The following UBE3A variants were observed in gnomAD, a reference collection of about 807,000 sequenced individuals.
UBE3A encodes ubiquitin protein ligase E3A, also known as ubiquitin-protein ligase E3A.
In UBE3A, 6 loss-of-function variants were observed where a neutral mutation model predicts 83.4. The observed-to-expected ratio is 0.07, with a 90% CI of 0.04 to 0.14. The LOEUF (loss-of-function observed/expected upper bound fraction) is 0.14. Ranked by LOEUF, UBE3A falls within the 10% of genes least tolerant of loss-of-function variation. UBE3A has a pLI of 1.00. For synonymous variants in UBE3A, 337 were observed against 355.4 expected (o/e 0.95, Z 0.58); for missense variants, 456 against 1,036.1 (o/e 0.44, Z 7.69).
chr15:25,408,431 G>A (rs749734142), intron 3 of UBE3A: 81 of 760,372 alleles, frequency 1.1e-4, no homozygotes, highest in Non-Finnish European at 1.7e-4. Flanking sequence ...TTATCCTAAA[G>A]TGTGTCAGAA....
intron 11 of UBE3A, among the ~76,000 whole-genome samples, chr15:25,347,929 C>G (rs2075952923): frequency 6.6e-6 from 1 of 151,998 alleles, no homozygotes; most frequent in African/African-American, 2.4e-5. Context: ...CAGAGACTAA[C>G]AGTTTTTATT....
chr15:25,410,665 T>C (rs921643491), intron 2 of UBE3A, among the ~76,000 whole-genome samples: 1 of 152,226 alleles, frequency 6.6e-6, no homozygotes, highest in Non-Finnish European at 1.5e-5. Context: ...TATGCAGCTA[T>C]GAACGCAGGG....
rs751134662 is a variant in UBE3A, at chr15:25,370,534, T to G, written c.1608+32A>C. Reference sequence around the variant, plus strand: ...CTGAACTGTATCATGATATCCCCATTATTAGGTTTTTAATCTAGCAGCCCA... The same window carrying G: ...CTGAACTGTATCATGATATCCCCATGATTAGGTTTTTAATCTAGCAGCCCA... On this transcript the variant is annotated intron_variant, in intron 6 of 12. Coordinates refer to ENST00000648336, the MANE Select transcript of UBE3A (RefSeq NM_130839.5). The surrounding 1 kb of genome is among the most constrained non-coding windows in gnomAD (Gnocchi z 4.2). 1 of 1,613,084 alleles carries G rather than the reference T, an allele frequency of 6.2e-7. No homozygotes were observed. Among genetic ancestry groups the G allele is most frequent in the South Asian group, 1.1e-5 (1 of 91,036 alleles).
chr15:25,357,007 T>C lies in UBE3A; in HGVS notation c.1754-111A>G, dbSNP rs1000589796. On this transcript the variant is annotated intron_variant, in intron 7 of 12. Transcript: ENST00000648336. ...ATGCATATAAAACATTTAAAATATA[T>C]GTAATTAGGCATGCAACATTGATTT... The C allele has an allele frequency of 4.5e-6, 4 of 894,790 alleles. No individual in the cohort carries two copies. In the African/African-American group the frequency reaches 5.1e-5, roughly 11 times the overall value. The allele number at this position is 894,790 out of a possible 1,614,324, so 55.4% of individuals were successfully genotyped here.
Position 25,338,564 on chromosome 15 carries a change from G to A in UBE3A, c.*573C>T, listed in dbSNP as rs2074198700. On this transcript the variant is annotated 3_prime_UTR_variant, in exon 13 of 13. Coordinates refer to ENST00000648336, the MANE Select transcript of UBE3A (RefSeq NM_130839.5). ...AGATTTTGCACAGAAAACTCTTTGG[G>A]GGCTAGAACAGCAGTAATTGCATCA... The A allele has an allele frequency of 6.6e-6, 1 of 151,784 alleles. No homozygotes were observed. The highest frequency in any genetic ancestry group is 2.1e-4 in the South Asian group (1 of 4,814). 9.4% of individuals were successfully genotyped at this position (151,784 alleles called of 1,614,324 possible). A position where few individuals can be genotyped will look rare whatever the true frequency, so the allele number is the denominator to read the frequency against.
At chr15:25,398,816 A>ATATATAAAT (rs1567069211) in intron 4 of UBE3A, among the ~76,000 whole-genome samples, 1 of 40,826 alleles carries the variant, frequency 2.4e-5, no homozygotes, top group Non-Finnish European at 5.3e-5. Flanking sequence ...TATATATATA[A>ATATATAAAT]AAATACATAT....
intron 1 of UBE3A, chr15:25,413,092 A>C (rs2090286317): frequency 9.6e-6 from 4 of 418,324 alleles, no homozygotes. Context: ...AAATATACCA[A>C]ATCTATAAAA....
At chr15:25,353,391 G>A (rs901191039) in intron 11 of UBE3A, among the ~76,000 whole-genome samples, 3 of 152,194 alleles carry the variant, frequency 2.0e-5, no homozygotes, top group African/African-American at 2.4e-5. Context: ...GACCACGTGT[G>A]TATACCAAAA....
intron 4 of UBE3A, among the ~76,000 whole-genome samples, chr15:25,380,875 A>G (rs2082061988): frequency 6.6e-6 from 1 of 152,254 alleles, no homozygotes; most frequent in African/African-American, 2.4e-5. Flanking sequence ...AGTCAGACAC[A>G]TGAAAATACT....
chr15:25,408,511 A>G (rs1213218860), intron 3 of UBE3A: 1 of 1,378,048 alleles, frequency 7.3e-7, no homozygotes, highest in Non-Finnish European at 1.0e-6. Flanking sequence ...TAAATCTCAG[A>G]ATGAGAATCA....
chr15:25,396,676 T>C (rs1317840041), intron 4 of UBE3A, among the ~76,000 whole-genome samples: 1 of 152,082 alleles, frequency 6.6e-6, no homozygotes, highest in East Asian at 1.9e-4. Context: ...CCAGGTAAAA[T>C]AAACATACGA....
At chr15:25,344,953 T>C (rs901461362) in intron 11 of UBE3A, among the ~76,000 whole-genome samples, 1 of 152,002 alleles carries the variant, frequency 6.6e-6, no homozygotes, top group Admixed American at 6.6e-5. Flanking sequence ...GACATAGTTA[T>C]TATTATTATT....
chr15:25,406,354 T>C (rs1268732613), intron 3 of UBE3A, among the ~76,000 whole-genome samples: 2 of 152,216 alleles, frequency 1.3e-5, no homozygotes, highest in African/African-American at 4.8e-5. Flanking sequence ...TTTTAAACAG[T>C]TGCCAGTTAC....
intron 11 of UBE3A, among the ~76,000 whole-genome samples, chr15:25,352,246 T>C (rs2076614337): frequency 1.3e-5 from 2 of 152,220 alleles, no homozygotes; most frequent in Admixed American, 6.5e-5. Context: ...TACATATTAA[T>C]GATGCTGGCA....
chr15:25,376,491 T>TA (rs2081241785), intron 4 of UBE3A, among the ~76,000 whole-genome samples: 2 of 151,592 alleles, frequency 1.3e-5, no homozygotes, highest in South Asian at 4.2e-4. Context: ...ACAAACTTTT[T>TA]TAAAAAAAAT....
intron 11 of UBE3A, among the ~76,000 whole-genome samples, chr15:25,344,410 A>G (rs1421902810): frequency 6.6e-6 from 1 of 152,202 alleles, no homozygotes; most frequent in African/African-American, 2.4e-5. Context: ...CTTTGCATCT[A>G]AAATCTGACT....
intron 5 of UBE3A, chr15:25,373,512 C>T (rs553832838): frequency 3.9e-5 from 6 of 152,366 alleles, no homozygotes; most frequent in Non-Finnish European, 8.8e-5. Context: ...GAGTCTCACT[C>T]TGTTGCCAGG....
At chr15:25,408,704 T>C (rs952787463) in intron 3 of UBE3A, 4 of 1,564,378 alleles carry the variant, frequency 2.6e-6, no homozygotes, top group Admixed American at 1.9e-5. Flanking sequence ...AAAAGTATAC[T>C]AGTTTTATTA....
At chr15:25,436,761 G>GA (rs1213134324) in intron 1 of UBE3A, among the ~76,000 whole-genome samples, 2 of 151,362 alleles carry the variant, frequency 1.3e-5, no homozygotes, top group African/African-American at 2.4e-5. Flanking sequence ...TCAGCCATGG[G>GA]AAAAAAAAGG....
Sources: allele counts gnomAD v4.1 joint callset (sites outside exome capture counted in the v4.1 genomes callset), GRCh38; gene constraint gnomAD v4.1.1; non-coding constraint Gnocchi (gnomAD v3.1); transcripts MANE v1.5; gene names NCBI Gene and HGNC (gene_info 2026-07-23, HGNC 2026-07-21).